Variants in ABCA7 observed in about 807,000 individuals in gnomAD.
ABCA7 encodes the protein ATP binding cassette subfamily A member 7.
In ABCA7, 261 loss-of-function variants were observed where a neutral mutation model predicts 227.6. The observed-to-expected ratio is 1.15, with a 90% confidence interval of 1.04 to 1.27. The LOEUF (loss-of-function observed/expected upper bound fraction) is 1.27, where lower values mean the gene tolerates loss of function less well. Among genes scored for constraint, ABCA7 ranks in the 50% most tolerant of loss-of-function variants. The pLI, the probability that ABCA7 is intolerant of heterozygous loss-of-function variation, is 0.00. For missense variants in ABCA7, 3,331 were observed against 2,924.5 expected (o/e 1.14, Z -3.21); for synonymous variants, 1,488 against 1,279.7 (o/e 1.16, Z -3.47).
rs1254053001 is a variant in ABCA7, at chr19:1,047,536, C to G, written c.2151C>G (p.His717Gln). 1 of 1,598,508 alleles carries G rather than the reference C, an allele frequency of 6.3e-7. No individual in the cohort carries two copies. The highest frequency in any genetic ancestry group is 8.5e-7 in the Non-Finnish European group (1 of 1,177,666). ...LEEQGEGAQW[H>Q]NVGTRPTADV... is the part of the protein sequence containing the mutation. ...AGCAGGGCGAGGGCGCGCAGTGGCA[C>G]AACGTGGGCACCCGGCCTACGGCAG... The change falls in exon 16 of 47, where the codon CAC (histidine) becomes CAG (glutamine). Residue 717 changes from histidine to glutamine, a missense_variant. Coordinates refer to ENST00000263094, the MANE Select transcript of ABCA7 (RefSeq NM_019112.4).
Position 1,055,064 on chromosome 19 carries a change from C to T in ABCA7, c.3951-33C>T, listed in dbSNP as rs377095063. ...ACAGACCTTCACCTTGACCCTGCAG[C>T]GCCCTTGAGTGTGCACAGCCCATTG... is the stretch of plus-strand genomic sequence containing the variant. On this transcript the variant is annotated intron_variant, in intron 29 of 46. Transcript: ENST00000263094. 16 of 1,582,452 alleles carry T rather than the reference C, an allele frequency of 1.0e-5. No homozygotes were observed. The African/African-American group carries it at 1.1e-4, about 11-fold the overall frequency.
chr19:1,046,677 A>C (rs1391758386), intron 13 of ABCA7, 125 bp from the exon 14 acceptor site: 4 of 1,187,062 alleles, frequency 3.4e-6, no homozygotes, highest in Non-Finnish European at 4.7e-6. Context: ...ATCAGGTTCC[A>C]AGGAACAGGG....
In ABCA7 at chr19:1,056,616, G is replaced by A. The variant is rs1273705474; in HGVS notation, c.4586+117G>A. ...CCTGACACACTCTTGCTTTATAAAT[G>A]GGGGATAGAAACTGTTCCTCTGCTC... On this transcript the variant is annotated intron_variant, in intron 33 of 46. Coordinates refer to ENST00000263094, the MANE Select transcript of ABCA7 (RefSeq NM_019112.4). The surrounding 1 kb of genome is among the most constrained non-coding windows in gnomAD (Gnocchi z 4.3). 3 of 1,328,010 alleles carry A rather than the reference G, an allele frequency of 2.3e-6. No homozygotes were observed. Among genetic ancestry groups the A allele is most frequent in the Non-Finnish European group, 3.1e-6 (3 of 977,674 alleles). The allele number at this position is 1,328,010 out of a possible 1,614,324, so 82.3% of individuals were successfully genotyped here. A position where few individuals can be genotyped will look rare whatever the true frequency, so the allele number is the denominator to read the frequency against.
In ABCA7 at chr19:1,053,346, G is replaced by A. The variant is rs777114939; in HGVS notation, c.3238G>A (p.Ala1080Thr). Residue 1080 changes from alanine to threonine, a missense_variant, in exon 24 of 47, where the codon GCC (alanine) becomes ACC (threonine). Coordinates refer to ENST00000263094, the MANE Select transcript of ABCA7 (RefSeq NM_019112.4). ...GSRVGTPQLL[A>T]LVQHWVPGAR... ...CCACACAGGCACTCCTCAGCTGCTG[G>A]CCCTGGTACAGCACTGGGTGCCCGG... 20 of 1,609,340 alleles carry A rather than the reference G, an allele frequency of 1.2e-5. No homozygotes were observed. Among genetic ancestry groups the A allele is most frequent in the Non-Finnish European group, 1.5e-5 (18 of 1,179,352 alleles).
rs767414384 is a variant in ABCA7, at chr19:1,054,524, G to T, written c.3727-46G>T. On this transcript the variant is annotated intron_variant, in intron 27 of 46. Coordinates refer to ENST00000263094, the MANE Select transcript of ABCA7 (RefSeq NM_019112.4). This position sits in a 1 kb window ranked among gnomAD's most constrained non-coding sequence, Gnocchi z 4.8. ...CAGGAGCAGGGACAGGTGCAAGCAA[G>T]CCTGGAGGGTGGATGGAAGCAGCAG... The T allele has an allele frequency of 1.3e-6, 2 of 1,594,100 alleles. No homozygotes were observed. The highest frequency in any genetic ancestry group is 1.7e-5 in the Admixed American group (1 of 59,746).
At chr19:1,041,142 G>A (rs1568210112) in intron 1 of ABCA7, 83 bp from the exon 2 acceptor site, 1 of 602,024 alleles carries the variant, frequency 1.7e-6, no homozygotes, top group Admixed American at 2.8e-5. Flanking sequence ...ACGGCTGCGG[G>A]TTGCGCTCCC....
Position 1,048,967 on chromosome 19 carries a change from A to G in ABCA7, c.2342A>G (p.Lys781Arg), listed in dbSNP as rs145106069. 4 of 1,608,076 alleles carry G rather than the reference A, an allele frequency of 2.5e-6. No homozygotes were observed. The African/African-American group carries it at 4.0e-5, about 16-fold the overall frequency. ...TACTGGTGCGGACCTCGGCCCCCCA[A>G]GAGTCCAGCCCCTTGCCCCACCCCG... ...RSYWCGPRPP[K>R]SPAPCPTPLD... The change falls in exon 17 of 47, where the codon AAG becomes AGG. Residue 781 changes from lysine to arginine, a missense_variant. Physicochemically the swap from Lys to Arg is conservative, Grantham distance 26. Coordinates refer to ENST00000263094, the MANE Select transcript of ABCA7 (RefSeq NM_019112.4).
intron 40 of ABCA7, among the ~76,000 whole-genome samples, chr19:1,060,207 A>ATATATATATATATATATTTT: frequency 1.0e-5 from 1 of 96,770 alleles, no homozygotes; most frequent in African/African-American, 3.5e-5. Flanking sequence ...ATATATATAT[A>ATATATATATATATATATTTT]TTTTTTTTTC....
chr19:1,051,603 C>G lies in ABCA7; in HGVS notation c.2962+17C>G. On this transcript the variant is annotated intron_variant, in intron 21 of 46. Coordinates refer to ENST00000263094, the MANE Select transcript of ABCA7 (RefSeq NM_019112.4). ...ACCGAGAAGGTAAGAGCTGGGGATT[C>G]TGCTCGAGGGGCCAGAAAAGGCTTC... 1 of 1,602,962 alleles carries G rather than the reference C, an allele frequency of 6.2e-7. No individual in the cohort carries two copies.
chr19:1,044,770 C>G (rs2040439459), intron 11 of ABCA7, 26 bp downstream of exon 11: 5 of 1,573,104 alleles, frequency 3.2e-6, no homozygotes, highest in Middle Eastern at 2.1e-4. Flanking sequence ...CCTGCGGGGT[C>G]TGTTTCAGTG....
In ABCA7 at chr19:1,046,371, G is replaced by C. The variant is rs1320148395; in HGVS notation, c.1587G>C (p.Leu529=). Residue 529 remains leucine (L), a synonymous_variant, in exon 13 of 47, where the codon CTG becomes CTC. Coordinates refer to ENST00000263094, the MANE Select transcript of ABCA7 (RefSeq NM_019112.4). The part of the protein sequence containing the change: ...SGANPRAGLY[L]QQMPYPCYVD... ...CCAACCCCCGGGCCGGCCTCTACCT[G>C]CAGCAGATGCCCTATCCGTGCTATG... 1.4e-5 allele frequency: 22 copies of C among 1,589,906 alleles called. No individual in the cohort carries two copies. Among genetic ancestry groups the C allele is most frequent in the Non-Finnish European group, 1.9e-5 (22 of 1,172,010 alleles).
intron 41 of ABCA7, 125 bp downstream of exon 41, chr19:1,062,013 C>G: frequency 7.1e-7 from 1 of 1,414,068 alleles, no homozygotes; most frequent in Non-Finnish European, 9.6e-7. Flanking sequence ...GTCTCTGAGA[C>G]CCCTGCACCT....
rs370674690 is a variant in ABCA7 at position 1,051,904 on chromosome 19, G to A, written c.2963-38G>A. 5.8e-5 allele frequency: 92 copies of A among 1,599,052 alleles called. 1 individual carries two copies. Among genetic ancestry groups the A allele is most frequent in the South Asian group, 5.5e-4 (50 of 90,702 alleles). The stretch of plus-strand genomic sequence containing the variant: ...GCCCCAGCTCGGGCAAAGACGCGGC[G>A]GCCTGATGGTAGTTGTGGGTTGGTC... On this transcript the variant is annotated intron_variant, in intron 21 of 46. Transcript: ENST00000263094.
At position 1,042,755 on chromosome 19, in the gene ABCA7, G is replaced by C; in HGVS notation, c.508G>C (p.Gly170Arg). 1 of 1,613,502 alleles carries C rather than the reference G, an allele frequency of 6.2e-7. No homozygotes were observed. Among genetic ancestry groups the C allele is most frequent in the Non-Finnish European group, 8.5e-7 (1 of 1,179,982 alleles). The change falls in exon 7 of 47, where the codon GGG (glycine) becomes CGG (arginine). Residue 170 changes from glycine (G) to arginine (R), a missense_variant. Coordinates refer to ENST00000263094, the MANE Select transcript of ABCA7 (RefSeq NM_019112.4). ...TGGTCTTTCTCCCCAGGAATCCCTG[G>C]GGTTGGCACTGGGCCAAGCCCAGGA... ...LTSLLRTESL[G>R]LALGQAQEPL...
intron 40 of ABCA7, among the ~76,000 whole-genome samples, chr19:1,061,390 CAAAAAAA>C (rs978850571): frequency 5.4e-5 from 2 of 36,920 alleles, no homozygotes; most frequent in South Asian, 7.8e-4. Flanking sequence ...GGCTCCGTCT[CAAAAAAA>C]AAAAAAAAAA....
At chr19:1,042,466 C>G in intron 6 of ABCA7, 69 bp downstream of exon 6, 1 of 1,576,170 alleles carries the variant, frequency 6.3e-7, no homozygotes, top group Non-Finnish European at 8.7e-7. Context: ...GGCACTGCCC[C>G]ACCCCGGGCC....
At chr19:1,045,361 G>A (rs1420912675) in intron 12 of ABCA7, 130 bp downstream of exon 12, 3 of 967,842 alleles carry the variant, frequency 3.1e-6, no homozygotes, top group Admixed American at 2.5e-5. Flanking sequence ...ACAGTGGTAT[G>A]GTAGCCAGAG....
At position 1,057,299 on chromosome 19, in the gene ABCA7, C is replaced by T. The variant is rs1463377045; in HGVS notation, c.4765-15C>T. 6.2e-7 allele frequency: 1 copy of T among 1,613,196 alleles called. No individual in the cohort carries two copies. Among genetic ancestry groups the T allele is most frequent in the South Asian group, 1.1e-5 (1 of 91,070 alleles). On this transcript the variant is annotated splice_polypyrimidine_tract_variant and intron_variant, in intron 34 of 46. Coordinates refer to ENST00000263094, the MANE Select transcript of ABCA7 (RefSeq NM_019112.4). Reference sequence around the variant, plus strand: ...CTCTTTAGGCTGATAAAGGTAACTGCCATCTCCAATGCAGTGTAACTACTT... The same window carrying T: ...CTCTTTAGGCTGATAAAGGTAACTGTCATCTCCAATGCAGTGTAACTACTT...
Position 1,049,399 on chromosome 19 carries a change from C to T in ABCA7, c.2514C>T (p.Ala838=), listed in dbSNP as rs374298252. 16 of 1,609,920 alleles carry T rather than the reference C, an allele frequency of 9.9e-6. No individual in the cohort carries two copies. Among genetic ancestry groups the T allele is most frequent in the South Asian group, 3.3e-5 (3 of 90,998 alleles). The stretch of plus-strand genomic sequence containing the variant: ...ACTTCTACCAGGGCCACATCACCGC[C>T]TTCCTGGGCCACAACGGGGCCGGCA... ...SLDFYQGHIT[A]FLGHNGAGKT... Residue 838 remains alanine, a synonymous_variant, in exon 18 of 47, where the codon GCC becomes GCT. Coordinates refer to ENST00000263094, the MANE Select transcript of ABCA7 (RefSeq NM_019112.4).
Sources: allele counts gnomAD v4.1 joint callset (sites outside exome capture counted in the v4.1 genomes callset), GRCh38; gene constraint gnomAD v4.1.1; non-coding constraint Gnocchi (gnomAD v3.1); transcripts MANE v1.5; gene names NCBI Gene and HGNC (gene_info 2026-07-23, HGNC 2026-07-21).